NUMB: variants seen among roughly 807,000 people sequenced by gnomAD.
NUMB encodes the protein NUMB endocytic adaptor protein, also known as protein numb homolog.
Under a neutral mutation model 59.7 loss-of-function variants are expected in NUMB, and 29 were observed. That is an observed-to-expected ratio of 0.49 (90% CI 0.36 to 0.66). The LOEUF (loss-of-function observed/expected upper bound fraction) is 0.66, where lower values mean the gene tolerates loss of function less well. NUMB is among the 30% of genes least tolerant of loss of function. The pLI, the probability that NUMB is intolerant of heterozygous loss-of-function variation, is 0.00. For missense variants in NUMB, 723 were observed against 822.0 expected (o/e 0.88, Z 1.47); for synonymous variants, 288 against 288.2 (o/e 1.00, Z 0.01).
At chr14:73,319,415 G>T (rs1319136916) in intron 5 of NUMB, among the ~76,000 whole-genome samples, 1 of 152,180 alleles carries the variant, frequency 6.6e-6, no homozygotes, top group Non-Finnish European at 1.5e-5. Flanking sequence ...TTACTTAACT[G>T]GTACATCTGA....
intron 1 of NUMB, among the ~76,000 whole-genome samples, chr14:73,447,904 C>G (rs1477586418): frequency 6.6e-6 from 1 of 151,604 alleles, no homozygotes; most frequent in Non-Finnish European, 1.5e-5. Context: ...TCAAGCGATT[C>G]TCCCACCTCA....
At chr14:73,431,984 A>C (rs1897852727) in intron 1 of NUMB, among the ~76,000 whole-genome samples, 2 of 152,102 alleles carry the variant, frequency 1.3e-5, no homozygotes, top group South Asian at 4.1e-4. Flanking sequence ...TTTCCAAAAA[A>C]AAAATTCAGG....
At chr14:73,407,171 A>C (rs938277970) in intron 2 of NUMB, among the ~76,000 whole-genome samples, 8 of 152,058 alleles carry the variant, frequency 5.3e-5, no homozygotes, top group East Asian at 3.9e-4. Context: ...CAAAAAAAAA[A>C]CAAAAAAAAC....
chr14:73,331,578 T>C lies in NUMB; in HGVS notation c.127-8374A>G, dbSNP rs1891981343. On this transcript the variant is annotated intron_variant, in intron 4 of 12. Coordinates refer to ENST00000555238, the MANE Select transcript of NUMB (RefSeq NM_001005743.2). The stretch of plus-strand genomic sequence containing the variant: ...AAAAAATTTTTTTTCTTCTAAAAGA[T>C]ACCTGATATGGTTTAGCTCTGTGTT... Among the ~76,000 whole-genome samples the C allele has an allele frequency of 2.6e-5, 4 of 152,134 alleles. No individual in the cohort carries two copies. The South Asian group carries it at 8.3e-4, about 31-fold the overall frequency.
At chr14:73,284,531 CAG>C in intron 9 of NUMB, 157 bp from the exon 10 acceptor site, 1 of 621,480 alleles carries the variant, frequency 1.6e-6, no homozygotes. Context: ...ATCCATTTTT[CAG>C]ACAGATAAAA....
intron 6 of NUMB, among the ~76,000 whole-genome samples, chr14:73,308,860 G>A (rs1890608492): frequency 6.6e-6 from 1 of 152,210 alleles, no homozygotes; most frequent in Non-Finnish European, 1.5e-5. Flanking sequence ...CTGATAGTCT[G>A]AGTAAGGCGA....
intron 12 of NUMB, among the ~76,000 whole-genome samples, chr14:73,278,721 CTTTT>C (rs35813203): frequency 6.9e-5 from 4 of 58,044 alleles, no homozygotes; most frequent in Non-Finnish European, 8.6e-5. Flanking sequence ...GCCCTGGAAT[CTTTT>C]TTTTTTTTTT....
chr14:73,312,442 A>G (rs1189160459), intron 6 of NUMB, among the ~76,000 whole-genome samples: 1 of 151,236 alleles, frequency 6.6e-6, no homozygotes, highest in African/African-American at 2.4e-5. Context: ...CGCTGGGCAC[A>G]GTTGCTCATG....
chr14:73,454,865 T>C (rs1210525080), intron 1 of NUMB, among the ~76,000 whole-genome samples: 4 of 152,202 alleles, frequency 2.6e-5, no homozygotes, highest in South Asian at 4.1e-4. Flanking sequence ...TCATATAGGA[T>C]TTCTCATTCT....
intron 4 of NUMB, among the ~76,000 whole-genome samples, chr14:73,337,433 T>C (rs1353470887): frequency 4.6e-5 from 7 of 152,130 alleles, no homozygotes; most frequent in African/African-American, 1.7e-4. Flanking sequence ...ACCTGGGAGA[T>C]GGAGGTTGCA....
intron 4 of NUMB, among the ~76,000 whole-genome samples, chr14:73,338,789 G>A (rs569685231): frequency 2.0e-5 from 3 of 152,288 alleles, no homozygotes; most frequent in African/African-American, 7.2e-5. Flanking sequence ...CAGCTATCTG[G>A]CTTCCTGTTT....
At chr14:73,291,021 T>C (rs1454497879) in intron 8 of NUMB, among the ~76,000 whole-genome samples, 1 of 152,156 alleles carries the variant, frequency 6.6e-6, no homozygotes, top group East Asian at 1.9e-4. Context: ...ACTTCTATCA[T>C]GCAACAATTT....
At chr14:73,425,826 T>G (rs1897553522) in intron 1 of NUMB, among the ~76,000 whole-genome samples, 1 of 150,620 alleles carries the variant, frequency 6.6e-6, no homozygotes, top group African/African-American at 2.4e-5. Flanking sequence ...TTTTTTTTTT[T>G]GAGACAGAGT....
At chr14:73,451,153 C>CAA (rs1212863745) in intron 1 of NUMB, among the ~76,000 whole-genome samples, 1,824 of 37,158 alleles carry the variant, frequency 0.049, 137 homozygotes, top group Non-Finnish European at 0.077. Context: ...GACTCTGTCT[C>CAA]AAAAAAAAAA....
chr14:73,321,030 T>C (rs1594902186), intron 5 of NUMB, among the ~76,000 whole-genome samples: 1 of 152,134 alleles, frequency 6.6e-6, no homozygotes, highest in Non-Finnish European at 1.5e-5. Context: ...ATTGCTTATA[T>C]AATAACGAGA....
chr14:73,303,584 A>AAAAAC (rs1222556087), intron 6 of NUMB, among the ~76,000 whole-genome samples: 4 of 152,140 alleles, frequency 2.6e-5, no homozygotes, highest in African/African-American at 7.2e-5. Flanking sequence ...ACTCCATCTC[A>AAAAAC]AAAACAAAAC....
At chr14:73,305,265 C>T (rs1890364495) in intron 6 of NUMB, among the ~76,000 whole-genome samples, 1 of 152,058 alleles carries the variant, frequency 6.6e-6, no homozygotes, top group Non-Finnish European at 1.5e-5. Context: ...TTTACAAAAA[C>T]AAATACAGTA....
chr14:73,446,543 T>G (rs1280091015), intron 1 of NUMB, among the ~76,000 whole-genome samples: 1 of 150,846 alleles, frequency 6.6e-6, no homozygotes, highest in African/African-American at 2.4e-5. Flanking sequence ...AGGCAGAGGT[T>G]GCAGTGAGCC....
intron 2 of NUMB, among the ~76,000 whole-genome samples, chr14:73,401,968 C>A (rs761390647): frequency 6.6e-6 from 1 of 152,140 alleles, no homozygotes; most frequent in Non-Finnish European, 1.5e-5. Context: ...CTCAAGCAAT[C>A]TTCCTGCCTC....
Sources: gnomAD v4.1 joint callset for allele counts (sites outside exome capture counted in the v4.1 genomes callset) on GRCh38, gnomAD v4.1.1 for gene constraint, MANE v1.5 for transcripts, NCBI Gene and HGNC (gene_info 2026-07-23, HGNC 2026-07-21) for gene names.